Variants in SNCAIP observed in about 807,000 individuals in gnomAD.
The protein encoded by SNCAIP is synphilin-1.
A neutral mutation model predicts 86.7 loss-of-function variants in SNCAIP; 43 were observed. That is an observed-to-expected ratio of 0.50 (90% CI 0.39 to 0.64). The LOEUF (loss-of-function observed/expected upper bound fraction) is 0.64, where lower values mean the gene tolerates loss of function less well. SNCAIP is among the 30% of genes least tolerant of loss of function. The pLI, the probability that SNCAIP is intolerant of heterozygous loss-of-function variation, is 0.00. For missense variants in SNCAIP, 981 were observed against 1,103.1 expected, an observed-to-expected ratio of 0.89 and a Z score of 1.57; for synonymous variants, 417 against 427.2, an observed-to-expected ratio of 0.98 and a Z score of 0.29.
chr5:122,315,838 G>C (rs4895351), intron 1 of SNCAIP, among the ~76,000 whole-genome samples: 28,610 of 152,028 alleles, frequency 0.19, 2,744 homozygotes, highest in South Asian at 0.3. Context: ...ATGTTTTTGA[G>C]AAAAATGGAG....
At chr5:122,440,207 T>G (rs1014589683) in intron 6 of SNCAIP, among the ~76,000 whole-genome samples, 6 of 152,186 alleles carry the variant, frequency 3.9e-5, no homozygotes, top group African/African-American at 1.2e-4. Context: ...AATTCAAGGT[T>G]TTATGGTAAC....
chr5:122,342,024 G>A (rs1448887208), intron 1 of SNCAIP, among the ~76,000 whole-genome samples: 2 of 152,132 alleles, frequency 1.3e-5, no homozygotes, highest in South Asian at 2.1e-4. Context: ...CCCTCTAAGA[G>A]GGTGGAACTA....
At chr5:122,362,364 AT>A (rs1363204511) in intron 1 of SNCAIP, among the ~76,000 whole-genome samples, 1 of 152,196 alleles carries the variant, frequency 6.6e-6, no homozygotes, top group African/African-American at 2.4e-5. Context: ...AAATAGAAAG[AT>A]TATCAGTATG....
At chr5:122,344,967 T>C (rs1758302022) in intron 1 of SNCAIP, among the ~76,000 whole-genome samples, 1 of 152,168 alleles carries the variant, frequency 6.6e-6, no homozygotes, top group African/African-American at 2.4e-5. Flanking sequence ...TCCAGAAATA[T>C]TTGGGCTGAA....
intron 2 of SNCAIP, among the ~76,000 whole-genome samples, chr5:122,396,976 A>C (rs1277051225): frequency 6.6e-6 from 1 of 152,132 alleles, no homozygotes; most frequent in Non-Finnish European, 1.5e-5. Context: ...TTTAAATATA[A>C]ATAATAATAT....
intron 1 of SNCAIP, among the ~76,000 whole-genome samples, chr5:122,358,183 GTGTGTGTGTGTGTGTGTGTGTA>G (rs1037612854): frequency 1.2e-5 from 1 of 80,780 alleles, no homozygotes; most frequent in African/African-American, 4.7e-5. Context: ...GTGTGTGTGT[GTGTGTGTGTGTGTGTGTGTGTA>G]TATATATATA....
intron 1 of SNCAIP, among the ~76,000 whole-genome samples, chr5:122,357,269 TC>T (rs1384770270): frequency 6.6e-6 from 1 of 152,156 alleles, no homozygotes; most frequent in Admixed American, 6.5e-5. Flanking sequence ...AGAGTCTTGC[TC>T]TGTTTCCCAG....
At chr5:122,331,179 C>G (rs1250638768) in intron 1 of SNCAIP, among the ~76,000 whole-genome samples, 1 of 152,138 alleles carries the variant, frequency 6.6e-6, no homozygotes, top group African/African-American at 2.4e-5. Context: ...CCTAACAGGA[C>G]TCGAACTGAT....
chr5:122,394,785 TCA>T lies in SNCAIP; in HGVS notation c.57+3597_57+3598del, dbSNP rs1462804621. 2.0e-5 allele frequency among the ~76,000 whole-genome samples: 3 copies of T among 152,338 alleles called. 1 individual carries two copies. The highest frequency in any genetic ancestry group is 6.8e-3 in the Middle Eastern group (2 of 294). On this transcript the variant is annotated intron_variant, in intron 2 of 10. Coordinates refer to ENST00000261368, the MANE Select transcript of SNCAIP (RefSeq NM_005460.4). ...ACTCTGGATCTCCTGAGGAGCTCAC[TCA>T]CAGCCACCATCCACCAATGTTGGCC...
chr5:122,387,492 G>A (rs1402184189), intron 1 of SNCAIP, among the ~76,000 whole-genome samples: 1 of 152,180 alleles, frequency 6.6e-6, no homozygotes, highest in Admixed American at 6.5e-5. Context: ...TTTCTGGAAA[G>A]CGTAAAAAAT....
In SNCAIP at chr5:122,324,357, G is replaced by A. The variant is rs1184462029; in HGVS notation, c.-47+12073G>A. ...ACTCTACTCCAGCATGCGTGCTCAT[G>A]ACCTCTCAGTAATTAACACACTTTT... On this transcript the variant is annotated intron_variant, in intron 1 of 10. Coordinates refer to ENST00000261368, the MANE Select transcript of SNCAIP (RefSeq NM_005460.4). Among the ~76,000 whole-genome samples the A allele has an allele frequency of 2.6e-5, 4 of 152,290 alleles. No individual in the cohort carries two copies. The East Asian group carries it at 5.8e-4, about 22-fold the overall frequency.
chr5:122,349,639 C>T (rs1261562523), intron 1 of SNCAIP, among the ~76,000 whole-genome samples: 1 of 152,048 alleles, frequency 6.6e-6, no homozygotes, highest in Non-Finnish European at 1.5e-5. Context: ...CTGCTATTTC[C>T]TGTCTTTGGA....
intron 1 of SNCAIP, among the ~76,000 whole-genome samples, chr5:122,375,003 C>T (rs56051213): frequency 0.012 from 1,835 of 152,052 alleles, 31 homozygotes; most frequent in African/African-American, 0.04. Context: ...TCATCTCTAC[C>T]CTAAGTGTCT....
intron 1 of SNCAIP, chr5:122,388,661 C>T (rs1304449601): frequency 1.3e-5 from 2 of 152,178 alleles, no homozygotes; most frequent in African/African-American, 4.8e-5. Flanking sequence ...CAGACTCACT[C>T]TTACCTGTAA....
intron 1 of SNCAIP, among the ~76,000 whole-genome samples, chr5:122,332,232 G>C (rs908762442): frequency 1.3e-5 from 2 of 152,104 alleles, no homozygotes; most frequent in East Asian, 3.9e-4. Context: ...ATATTATTTT[G>C]TATCTTGCGT....
chr5:122,426,948 A>T (rs948867381), intron 5 of SNCAIP, among the ~76,000 whole-genome samples: 1 of 152,188 alleles, frequency 6.6e-6, no homozygotes, highest in African/African-American at 2.4e-5. Context: ...TTGCTAGTGG[A>T]TAAGACTGGT....
chr5:122,365,624 A>G (rs1211743984), intron 1 of SNCAIP, among the ~76,000 whole-genome samples: 1 of 152,240 alleles, frequency 6.6e-6, no homozygotes, highest in African/African-American at 2.4e-5. Flanking sequence ...GATTGCAGTG[A>G]GCCAAGATTG....
Position 122,451,272 on chromosome 5 carries a change from T to C in SNCAIP, c.2425T>C (p.Ser809Pro). The change falls in exon 10 of 11, where the codon TCT (serine) becomes CCT (proline). Residue 809 changes from serine to proline, a missense_variant. Transcript: ENST00000261368. Reference protein sequence around the residue: ...LKSPSSKRRTSQNLKLRVTFE... With the variant: ...LKSPSSKRRTPQNLKLRVTFE... ...GTCTCCATCTTCCAAGCGTAGGACATCTCAGAACTTAAAACTGAGAGTTAC... is the reference window on the plus strand; with the variant it reads ...GTCTCCATCTTCCAAGCGTAGGACACCTCAGAACTTAAAACTGAGAGTTAC... 1 of 1,614,124 alleles carries C rather than the reference T, an allele frequency of 6.2e-7. No homozygotes were observed. Among genetic ancestry groups the C allele is most frequent in the Non-Finnish European group, 8.5e-7 (1 of 1,180,010 alleles).
intron 1 of SNCAIP, among the ~76,000 whole-genome samples, chr5:122,387,505 A>G (rs1002136704): frequency 4.7e-4 from 71 of 152,102 alleles, no homozygotes; most frequent in African/African-American, 1.4e-3. Context: ...TAAAAAATGT[A>G]TTTTGCTTAG....
Sources: allele counts gnomAD v4.1 joint callset (sites outside exome capture counted in the v4.1 genomes callset), GRCh38; gene constraint gnomAD v4.1.1; transcripts MANE v1.5; gene names NCBI Gene and HGNC (gene_info 2026-07-23, HGNC 2026-07-21).